Variants in MIPOL1 observed in about 807,000 individuals in gnomAD.
MIPOL1 encodes mirror-image polydactyly 1.
Under a neutral mutation model 60.9 loss-of-function variants are expected in MIPOL1, and 57 were observed. The ratio of observed to expected loss-of-function variants is 0.94; its 90% CI spans 0.76 to 1.17. The LOEUF is 1.17. Among genes scored for constraint, MIPOL1 ranks in the 50% most tolerant of loss-of-function variants. The pLI, the probability that MIPOL1 is intolerant of heterozygous loss-of-function variation, is 0.00. For synonymous variants in MIPOL1, 179 were observed against 168.8 expected (o/e 1.06, Z -0.47); for missense variants, 551 against 511.6 (o/e 1.08, Z -0.74).
At chr14:37,262,390 A>G (rs1022236401) in intron 3 of MIPOL1, among the ~76,000 whole-genome samples, 1 of 152,096 alleles carries the variant, frequency 6.6e-6, no homozygotes, top group Non-Finnish European at 1.5e-5. Flanking sequence ...CCATCATCAC[A>G]TCAAATTTGC....
intron 11 of MIPOL1, among the ~76,000 whole-genome samples, chr14:37,459,289 AAAAG>A (rs1168804603): frequency 6.6e-6 from 1 of 151,548 alleles, no homozygotes; most frequent in East Asian, 1.9e-4. Context: ...AACCAATAAC[AAAAG>A]AGAGAAGATT....
chr14:37,538,457 A>G (rs2095515948), intron 12 of MIPOL1, among the ~76,000 whole-genome samples: 1 of 152,202 alleles, frequency 6.6e-6, no homozygotes, highest in South Asian at 2.1e-4. Context: ...TTCTCAAAAG[A>G]ACAAAAAAAA....
chr14:37,229,850 T>A (rs1246435330), intron 1 of MIPOL1, among the ~76,000 whole-genome samples: 1 of 152,190 alleles, frequency 6.6e-6, no homozygotes, highest in Non-Finnish European at 1.5e-5. Flanking sequence ...GTCTCATTTA[T>A]ATGTAGAATC....
At chr14:37,312,040 T>A (rs2087385095) in intron 9 of MIPOL1, among the ~76,000 whole-genome samples, 1 of 112,584 alleles carries the variant, frequency 8.9e-6, no homozygotes, top group Admixed American at 9.3e-5. Context: ...GTTTTTCTCA[T>A]GATTAAAGTG....
At chr14:37,210,544 C>T (rs1395187799) in intron 1 of MIPOL1, among the ~76,000 whole-genome samples, 3 of 152,246 alleles carry the variant, frequency 2.0e-5, no homozygotes, top group Middle Eastern at 3.4e-3. Flanking sequence ...AGTAGATGGA[C>T]TCGCGGGATT....
chr14:37,263,290 G>C (rs1025290390), intron 3 of MIPOL1, among the ~76,000 whole-genome samples: 1 of 152,124 alleles, frequency 6.6e-6, no homozygotes, highest in African/African-American at 2.4e-5. Flanking sequence ...CAGCATGAAA[G>C]TCACTAGAGA....
intron 3 of MIPOL1, among the ~76,000 whole-genome samples, chr14:37,254,453 G>T (rs1485513453): frequency 6.6e-6 from 1 of 151,528 alleles, no homozygotes; most frequent in Non-Finnish European, 1.5e-5. Context: ...ATTATGTTTT[G>T]GCAGTTTAAA....
In MIPOL1 at chr14:37,308,087, A is replaced by G; in HGVS notation, c.655A>G (p.Met219Val). 3 of 1,610,308 alleles carry G rather than the reference A, an allele frequency of 1.9e-6. No homozygotes were observed. Among genetic ancestry groups the G allele is most frequent in the Non-Finnish European group, 2.5e-6 (3 of 1,177,742 alleles). ...AAATATTAACCCTGAAGAAAATGACATGGTAAGCCATTCTCTGAGGAGATT... is the reference window on the plus strand; with the variant it reads ...AAATATTAACCCTGAAGAAAATGACGTGGTAAGCCATTCTCTGAGGAGATT... ...LENINPEEND[M>V]TLQELLNRIN... Residue 219 changes from methionine (M) to valine (V), a missense_variant and splice_region_variant, in exon 8 of 13, where the codon ATG (methionine) becomes GTG (valine). By Grantham distance (21) the Met-to-Val change is conservative. Coordinates refer to ENST00000684589, the MANE Select transcript of MIPOL1 (RefSeq NM_001388067.1).
chr14:37,407,845 C>CTTT (rs35133543), intron 10 of MIPOL1, among the ~76,000 whole-genome samples: 8 of 88,798 alleles, frequency 9.0e-5, no homozygotes, highest in African/African-American at 2.2e-4. Flanking sequence ...TCTTCTTCTT[C>CTTT]TTTTTTTTTT....
rs1974535377 is a variant in MIPOL1 at position 37,254,097 on chromosome 14, T to A, written c.19+6190T>A. On this transcript the variant is annotated intron_variant, in intron 3 of 12. Coordinates refer to ENST00000684589, the MANE Select transcript of MIPOL1 (RefSeq NM_001388067.1). ...ATATTTGAGAGAGTGGTTTTAGGAA[T>A]ACTGGCAGCTGGCCAGCAAGGATTG... Among the ~76,000 whole-genome samples the A allele has an allele frequency of 2.0e-5, 3 of 151,762 alleles. 1 individual carries two copies. The South Asian group carries it at 6.2e-4, about 31-fold the overall frequency.
At chr14:37,490,935 C>T (rs2095038983) in intron 11 of MIPOL1, among the ~76,000 whole-genome samples, 1 of 152,122 alleles carries the variant, frequency 6.6e-6, no homozygotes, top group African/African-American at 2.4e-5. Flanking sequence ...TTCTTAATTG[C>T]ATCTTCTATT....
At chr14:37,468,318 A>T (rs2094629661) in intron 11 of MIPOL1, among the ~76,000 whole-genome samples, 1 of 152,102 alleles carries the variant, frequency 6.6e-6, no homozygotes, top group Non-Finnish European at 1.5e-5. Flanking sequence ...CATTCCAGGA[A>T]AACCACTGAA....
At chr14:37,470,365 C>A (rs772959101) in intron 11 of MIPOL1, among the ~76,000 whole-genome samples, 3 of 152,030 alleles carry the variant, frequency 2.0e-5, no homozygotes, top group Admixed American at 1.3e-4. Flanking sequence ...GAATCGTGAT[C>A]CCCAGTGTTA....
At chr14:37,332,222 A>G (rs1016485747) in intron 9 of MIPOL1, among the ~76,000 whole-genome samples, 1 of 151,930 alleles carries the variant, frequency 6.6e-6, no homozygotes, top group Non-Finnish European at 1.5e-5. Context: ...TCATGTTGAG[A>G]TGTGTTCCTT....
At chr14:37,334,324 C>T (rs900366245) in intron 9 of MIPOL1, among the ~76,000 whole-genome samples, 2 of 151,730 alleles carry the variant, frequency 1.3e-5, no homozygotes, top group South Asian at 2.1e-4. Flanking sequence ...TATGAGACCT[C>T]GACTGTTCAG....
At chr14:37,493,801 A>T (rs1201376399) in intron 11 of MIPOL1, among the ~76,000 whole-genome samples, 1 of 152,194 alleles carries the variant, frequency 6.6e-6, no homozygotes, top group African/African-American at 2.4e-5. Context: ...TGTAAGTTGC[A>T]CTATTGATTA....
rs112668430 is a variant in MIPOL1, at chr14:37,237,183, T to G, written c.-198-9920T>G. ...CTGTACAAGCAGTACCTGCCACTTT[T>G]CCTACCTGAGTTCTGAGCTAGGTGA... On this transcript the variant is annotated intron_variant, in intron 1 of 12. Transcript: ENST00000684589. Among the ~76,000 whole-genome samples the G allele has an allele frequency of 2.6e-3, 398 of 152,254 alleles. 2 individuals carry two copies. The highest frequency in any genetic ancestry group is 9.0e-3 in the African/African-American group (375 of 41,550).
At chr14:37,277,081 A>G (rs1226449548) in intron 6 of MIPOL1, 2 of 151,302 alleles carry the variant, frequency 1.3e-5, no homozygotes, top group Non-Finnish European at 1.5e-5. Flanking sequence ...TCCATTATAC[A>G]TAAGAATAGC....
At chr14:37,356,061 A>T (rs1371547447) in intron 9 of MIPOL1, among the ~76,000 whole-genome samples, 3 of 146,270 alleles carry the variant, frequency 2.1e-5, no homozygotes, top group Admixed American at 6.9e-5. Context: ...GTCTTTGATG[A>T]TGGTGATGTA....
Sources: gnomAD v4.1 joint callset for allele counts (sites outside exome capture counted in the v4.1 genomes callset) on GRCh38, gnomAD v4.1.1 for gene constraint, MANE v1.5 for transcripts, NCBI Gene and HGNC (gene_info 2026-07-23, HGNC 2026-07-21) for gene names.